The following ZMIZ1 variants were observed in gnomAD, a reference collection of about 807,000 sequenced individuals.
ZMIZ1 encodes the protein zinc finger MIZ-type containing 1, also known as zinc finger MIZ domain-containing protein 1.
ZMIZ1 carries 17 observed loss-of-function variants against 113.9 expected under a neutral mutation model. The observed-to-expected ratio is 0.15, with a 90% CI of 0.10 to 0.22. ZMIZ1 has a LOEUF of 0.22. Ranked by LOEUF, ZMIZ1 falls within the 10% of genes least tolerant of loss-of-function variation. The probability of loss-of-function intolerance (pLI) is 1.00; values close to 1 mark genes in which losing one functional copy is unlikely to be tolerated. For missense variants in ZMIZ1, 1,059 were observed against 1,477.8 expected, an observed-to-expected ratio of 0.72 and a Z score of 4.65; for synonymous variants, 607 against 603.1, an observed-to-expected ratio of 1.01 and a Z score of -0.09.
chr10:79,118,812 TC>T lies in ZMIZ1; in HGVS notation c.-336-101del, dbSNP rs1844166449. On this transcript the variant is annotated intron_variant, in intron 1 of 24. Coordinates refer to ENST00000334512, the MANE Select transcript of ZMIZ1 (RefSeq NM_020338.4). The surrounding 1 kb of genome is among the most constrained non-coding windows in gnomAD (Gnocchi z 4.1). ...CCACGTTGGTGGGCCAGTTCCATCTTCCAGGAGATGGCAGCCAGGACCTAGA... is the reference window on the plus strand; with the variant it reads ...CCACGTTGGTGGGCCAGTTCCATCTTCAGGAGATGGCAGCCAGGACCTAGA... 1 of 152,320 alleles carries T rather than the reference TC, an allele frequency of 6.6e-6. No individual in the cohort carries two copies. The highest frequency in any genetic ancestry group is 6.5e-5 in the Admixed American group (1 of 15,290). The allele number at this position is 152,320 out of a possible 1,614,324, so 9.4% of individuals were successfully genotyped here. A position where few individuals can be genotyped will look rare whatever the true frequency, so the allele number is the denominator to read the frequency against.
chr10:79,272,999 C>A (rs867130758), intron 7 of ZMIZ1, among the ~76,000 whole-genome samples: 8 of 152,158 alleles, frequency 5.3e-5, no homozygotes, highest in Admixed American at 2.6e-4. Flanking sequence ...TGGTGAGGAG[C>A]CTGAGAGCCC....
intron 4 of ZMIZ1, among the ~76,000 whole-genome samples, chr10:79,197,944 GACCCCGC>G (rs1777588256): frequency 1.3e-5 from 2 of 152,204 alleles, no homozygotes; most frequent in South Asian, 4.2e-4. Context: ...TCTGGCCTAG[GACCCCGC>G]ACAGTGTCGT....
chr10:79,311,229 C>T (rs752977189), intron 24 of ZMIZ1, 45 bp downstream of exon 24: 22 of 1,456,794 alleles, frequency 1.5e-5, no homozygotes, highest in East Asian at 2.8e-5. Context: ...CTAGGCCTGG[C>T]GCCGGGACCT....
chr10:79,166,030 G>A (rs1382438129), intron 4 of ZMIZ1, among the ~76,000 whole-genome samples: 2 of 151,502 alleles, frequency 1.3e-5, no homozygotes, highest in East Asian at 3.9e-4. Flanking sequence ...GGGGCAGTGG[G>A]TCCATCTCTG....
intron 18 of ZMIZ1, among the ~76,000 whole-genome samples, chr10:79,303,455 A>C (rs1247172044): frequency 2.5e-5 from 1 of 40,168 alleles, no homozygotes; most frequent in Non-Finnish European, 5.2e-5. Flanking sequence ...ACACTGCCAC[A>C]AAAAAAAAAA....
intron 8 of ZMIZ1, among the ~76,000 whole-genome samples, chr10:79,285,283 C>T (rs1324689647): frequency 1.3e-5 from 2 of 152,246 alleles, no homozygotes; most frequent in African/African-American, 2.4e-5. Flanking sequence ...TCACAAAATT[C>T]CTTGCATCTA....
chr10:79,259,892 G>T (rs1851158571), intron 7 of ZMIZ1, among the ~76,000 whole-genome samples: 1 of 152,186 alleles, frequency 6.6e-6, no homozygotes, highest in African/African-American at 2.4e-5. Flanking sequence ...GATTACAGGT[G>T]TAAGCCACCG....
At chr10:79,097,667 G>C (rs1843218350) in intron 1 of ZMIZ1, among the ~76,000 whole-genome samples, 1 of 152,232 alleles carries the variant, frequency 6.6e-6, no homozygotes, top group African/African-American at 2.4e-5. Flanking sequence ...GGCAAGCTCT[G>C]ATAGAAATTG....
In ZMIZ1 at chr10:79,314,149, C is replaced by T. The variant is rs559686638; in HGVS notation, c.*1400C>T. On this transcript the variant is annotated 3_prime_UTR_variant, in exon 25 of 25. Transcript: ENST00000334512. Reference sequence around the variant, plus strand: ...AAGCAGCCTCTGGCCTTCCCTCCACCGCTTTGCTCCATCTGGCTTACCACT... The same window carrying T: ...AAGCAGCCTCTGGCCTTCCCTCCACTGCTTTGCTCCATCTGGCTTACCACT... The T allele has an allele frequency of 7.0e-5, 32 of 457,024 alleles. No homozygotes were observed. The highest frequency in any genetic ancestry group is 1.2e-4 in the Non-Finnish European group (28 of 227,004). The allele number at this position is 457,024 out of a possible 1,614,324, so 28.3% of individuals were successfully genotyped here.
At chr10:79,106,793 G>A (rs1283108811) in intron 1 of ZMIZ1, among the ~76,000 whole-genome samples, 1 of 152,254 alleles carries the variant, frequency 6.6e-6, no homozygotes, top group Non-Finnish European at 1.5e-5. Flanking sequence ...TGGGACTGGA[G>A]AGGTGGTTCG....
At chr10:79,298,275 C>T (rs1854042129) in intron 14 of ZMIZ1, 131 bp from the exon 15 acceptor site, 10 of 1,042,998 alleles carry the variant, frequency 9.6e-6, no homozygotes, top group Non-Finnish European at 1.4e-5. Flanking sequence ...AGAAGAGTTT[C>T]CCTGGAGGAG....
chr10:79,282,524 C>T (rs1260017008), intron 8 of ZMIZ1, among the ~76,000 whole-genome samples: 2 of 152,196 alleles, frequency 1.3e-5, no homozygotes, highest in Non-Finnish European at 2.9e-5. Flanking sequence ...ATTTGGAGAG[C>T]TCGGGTGTCA....
chr10:79,098,409 C>G lies in ZMIZ1; in HGVS notation c.-336-20506C>G, dbSNP rs181059408. On this transcript the variant is annotated intron_variant, in intron 1 of 24. Transcript: ENST00000334512. ...CTCCCACACTTAGCAGCTGGGCAAC[C>G]TCAGGGAAGTGACTCGACCGCTCTG... Among the ~76,000 whole-genome samples the G allele has an allele frequency of 1.7e-3, 260 of 152,324 alleles. 3 individuals carry two copies. The highest frequency in any genetic ancestry group is 5.7e-3 in the African/African-American group (239 of 41,570).
chr10:79,309,055 G>T (rs1457758003), intron 23 of ZMIZ1, among the ~76,000 whole-genome samples: 1 of 152,136 alleles, frequency 6.6e-6, no homozygotes, highest in Non-Finnish European at 1.5e-5. Flanking sequence ...GGCCGGTGGG[G>T]CAGGGCAGTC....
At chr10:79,249,583 A>G (rs886182108) in intron 7 of ZMIZ1, among the ~76,000 whole-genome samples, 8 of 152,222 alleles carry the variant, frequency 5.3e-5, no homozygotes, top group African/African-American at 1.9e-4. Context: ...GCTGTCCAGT[A>G]TAGCAGCCAC....
chr10:79,124,633 A>G (rs1482098844), intron 2 of ZMIZ1, among the ~76,000 whole-genome samples: 1 of 152,242 alleles, frequency 6.6e-6, no homozygotes, highest in Non-Finnish European at 1.5e-5. Flanking sequence ...TAGAGGTCAC[A>G]GTCTCCAGTG....
chr10:79,074,478 T>C (rs565072821), intron 1 of ZMIZ1, among the ~76,000 whole-genome samples: 1 of 152,350 alleles, frequency 6.6e-6, no homozygotes, highest in African/African-American at 2.4e-5. Flanking sequence ...CAGCCAGAGC[T>C]TGCTTCGAGA....
At chr10:79,254,595 G>C (rs187172219) in intron 7 of ZMIZ1, among the ~76,000 whole-genome samples, 43 of 152,318 alleles carry the variant, frequency 2.8e-4, no homozygotes, top group African/African-American at 9.4e-4. Context: ...ACAGGAATTA[G>C]AGCCAGGGCC....
At position 79,297,609 on chromosome 10, in the gene ZMIZ1, A is replaced by AT. The variant is rs1853986643; in HGVS notation, c.1414-3dup. On this transcript the variant is annotated splice_region_variant and splice_polypyrimidine_tract_variant and intron_variant, in intron 13 of 24. Coordinates refer to ENST00000334512, the MANE Select transcript of ZMIZ1 (RefSeq NM_020338.4). Reference sequence around the variant, plus strand: ...ACTCAGTGTTGTTTATCTTGTTTTAATAGCCAGAACAGTTTAATGGACAAA... The same window carrying AT: ...ACTCAGTGTTGTTTATCTTGTTTTAATTAGCCAGAACAGTTTAATGGACAAA... 6.2e-7 allele frequency: 1 copy of AT among 1,613,826 alleles called. No homozygotes were observed.
Sources: allele counts gnomAD v4.1 joint callset (sites outside exome capture counted in the v4.1 genomes callset), GRCh38; gene constraint gnomAD v4.1.1; non-coding constraint Gnocchi (gnomAD v3.1); transcripts MANE v1.5; gene names NCBI Gene and HGNC (gene_info 2026-07-23, HGNC 2026-07-21).